Variants in NOL4 observed in about 807,000 individuals in gnomAD.
NOL4 encodes nucleolar protein 4.
NOL4 carries 17 observed loss-of-function variants against 75.9 expected under a neutral mutation model. That is an observed-to-expected ratio of 0.22 (90% CI 0.15 to 0.34). NOL4 has a LOEUF of 0.34. Among genes scored for constraint, NOL4 ranks in the 10% least tolerant of loss-of-function variants. The pLI is 1.00. For synonymous variants in NOL4, 292 were observed against 289.9 expected, an observed-to-expected ratio of 1.01 and a Z score of -0.07; for missense variants, 614 against 793.5, an observed-to-expected ratio of 0.77 and a Z score of 2.72.
chr18:34,085,014 C>T (rs891670994), intron 5 of NOL4, among the ~76,000 whole-genome samples: 1 of 152,038 alleles, frequency 6.6e-6, no homozygotes, highest in African/African-American at 2.4e-5. Context: ...TAAAGGCTAG[C>T]CAGGTGATAG....
At chr18:34,012,181 G>C (rs1457019812) in intron 6 of NOL4, among the ~76,000 whole-genome samples, 1 of 151,862 alleles carries the variant, frequency 6.6e-6, no homozygotes, top group Non-Finnish European at 1.5e-5. Flanking sequence ...ACTGATTTGG[G>C]TGTTAGGTCA....
At position 33,896,253 on chromosome 18, in the gene NOL4, T is replaced by G. The variant is rs1017987792; in HGVS notation, c.1543-12829A>C. Among the ~76,000 whole-genome samples, 7 of 152,178 alleles carry G rather than the reference T, an allele frequency of 4.6e-5. 1 individual carries two copies. Among genetic ancestry groups the G allele is most frequent in the Non-Finnish European group, 8.8e-5 (6 of 68,032 alleles). ...AAAGCAATTTACAGATTCAATGCTA[T>G]TCCTATCTAATTACCAATGACATTC... On this transcript the variant is annotated intron_variant, in intron 9 of 10. Coordinates refer to ENST00000261592, the MANE Select transcript of NOL4 (RefSeq NM_003787.5).
intron 5 of NOL4, among the ~76,000 whole-genome samples, chr18:34,039,053 T>C (rs766490129): frequency 3.3e-5 from 5 of 151,990 alleles, no homozygotes; most frequent in Admixed American, 2.0e-4. Context: ...AAACAAAATG[T>C]AAAATATATA....
chr18:34,181,910 T>C (rs935064832), intron 1 of NOL4, among the ~76,000 whole-genome samples: 1 of 151,474 alleles, frequency 6.6e-6, no homozygotes, highest in African/African-American at 2.4e-5. Flanking sequence ...AAATAACAAA[T>C]GTTAGCATGT....
intron 9 of NOL4, among the ~76,000 whole-genome samples, chr18:33,934,136 T>C (rs968737420): frequency 1.3e-5 from 2 of 150,034 alleles, no homozygotes; most frequent in Non-Finnish European, 3.0e-5. Flanking sequence ...AGCAGCAATA[T>C]TTTGAAAGGA....
chr18:33,898,105 G>T (rs535711796), intron 9 of NOL4, among the ~76,000 whole-genome samples: 1 of 152,024 alleles, frequency 6.6e-6, no homozygotes, highest in East Asian at 1.9e-4. Flanking sequence ...TAGAGACAAG[G>T]CCTCCCTATG....
At chr18:34,218,866 G>A (rs2037097515) in intron 1 of NOL4, among the ~76,000 whole-genome samples, 2 of 152,140 alleles carry the variant, frequency 1.3e-5, no homozygotes, top group Admixed American at 1.3e-4. Context: ...CCTAATATAG[G>A]TGCCTTAGGC....
intron 6 of NOL4, among the ~76,000 whole-genome samples, chr18:33,958,768 T>C (rs889633827): frequency 2.6e-5 from 4 of 152,138 alleles, no homozygotes; most frequent in African/African-American, 4.8e-5. Flanking sequence ...AAGGGAATCA[T>C]TGAGTCACAT....
At chr18:33,878,687 A>G (rs1263997788) in intron 10 of NOL4, among the ~76,000 whole-genome samples, 2 of 151,998 alleles carry the variant, frequency 1.3e-5, no homozygotes, top group Non-Finnish European at 2.9e-5. Flanking sequence ...AAAATTTTAA[A>G]TTCAAGTTGG....
At chr18:33,926,745 C>G (rs1186387629) in intron 9 of NOL4, among the ~76,000 whole-genome samples, 1 of 151,924 alleles carries the variant, frequency 6.6e-6, no homozygotes, top group African/African-American at 2.4e-5. Flanking sequence ...GGATTAGAGG[C>G]GCCCACCACC....
intron 1 of NOL4, among the ~76,000 whole-genome samples, chr18:34,208,918 G>A (rs1372654188): frequency 6.6e-6 from 1 of 151,662 alleles, no homozygotes; most frequent in Non-Finnish European, 1.5e-5. Context: ...GGGATTTAAA[G>A]CAAGAAATAG....
At chr18:33,980,956 C>T (rs2071903517) in intron 6 of NOL4, among the ~76,000 whole-genome samples, 1 of 151,792 alleles carries the variant, frequency 6.6e-6, no homozygotes, top group African/African-American at 2.4e-5. Context: ...AACTAGACAA[C>T]ATACAATAAC....
intron 9 of NOL4, among the ~76,000 whole-genome samples, chr18:33,920,658 C>T (rs777811329): frequency 6.6e-6 from 1 of 152,104 alleles, no homozygotes; most frequent in Admixed American, 6.5e-5. Flanking sequence ...TCCAATCAAC[C>T]ATTTTAGTAG....
chr18:33,918,699 T>A (rs2066868302), intron 9 of NOL4, among the ~76,000 whole-genome samples: 1 of 152,180 alleles, frequency 6.6e-6, no homozygotes, highest in African/African-American at 2.4e-5. Flanking sequence ...TAATTTTTAA[T>A]GCAAAAATTT....
intron 9 of NOL4, among the ~76,000 whole-genome samples, chr18:33,913,197 C>T (rs542992975): frequency 6.6e-6 from 1 of 151,968 alleles, no homozygotes; most frequent in Admixed American, 6.6e-5. Context: ...TTCAAATTAT[C>T]TTTCCATTAA....
intron 9 of NOL4, among the ~76,000 whole-genome samples, chr18:33,908,536 T>C (rs548319820): frequency 2.0e-4 from 30 of 152,298 alleles, no homozygotes; most frequent in African/African-American, 7.0e-4. Context: ...GAAGGAGTCA[T>C]AAAATTGTGA....
chr18:33,953,514 A>T (rs1193326866), intron 8 of NOL4, among the ~76,000 whole-genome samples: 1 of 152,210 alleles, frequency 6.6e-6, no homozygotes, highest in African/African-American at 2.4e-5. Flanking sequence ...TTTGGGAAAC[A>T]GAATAAAGGA....
intron 2 of NOL4, among the ~76,000 whole-genome samples, chr18:34,114,941 C>G (rs185617825): frequency 5.3e-5 from 8 of 152,100 alleles, no homozygotes. Flanking sequence ...GTTTGTTAAA[C>G]TATCTTCAAC....
At chr18:34,143,973 A>C (rs1200787586) in intron 1 of NOL4, among the ~76,000 whole-genome samples, 1 of 151,562 alleles carries the variant, frequency 6.6e-6, no homozygotes, top group African/African-American at 2.4e-5. Context: ...TCTATGTTGT[A>C]TAAATACTTC....
Sources: allele counts gnomAD v4.1 joint callset (sites outside exome capture counted in the v4.1 genomes callset), GRCh38; gene constraint gnomAD v4.1.1; transcripts MANE v1.5; gene names NCBI Gene and HGNC (gene_info 2026-07-23, HGNC 2026-07-21).